The following TTC27 variants were observed in gnomAD, a reference collection of about 807,000 sequenced individuals.
TTC27 encodes the protein tetratricopeptide repeat protein 27.
Under a neutral mutation model 115.9 loss-of-function variants are expected in TTC27, and 79 were observed. The observed-to-expected ratio is 0.68, with a 90% CI of 0.57 to 0.82. The LOEUF (loss-of-function observed/expected upper bound fraction) is 0.82. Among genes scored for constraint, TTC27 ranks in the 40% least tolerant of loss-of-function variants. The probability of loss-of-function intolerance (pLI) is 0.00; values close to 1 mark genes in which losing one functional copy is unlikely to be tolerated. For synonymous variants in TTC27, 401 were observed against 356.0 expected (o/e 1.13, Z -1.42); for missense variants, 1,054 against 993.1 (o/e 1.06, Z -0.82).
chr2:32,815,079 G>T (rs1671453470), intron 18 of TTC27, among the ~76,000 whole-genome samples: 1 of 152,008 alleles, frequency 6.6e-6, no homozygotes, highest in African/African-American at 2.4e-5. Context: ...TTGTCTGGAA[G>T]GTATACATTT....
chr2:32,817,810 C>G (rs140919725), intron 19 of TTC27, among the ~76,000 whole-genome samples: 1,649 of 152,290 alleles, frequency 0.011, 23 homozygotes, highest in African/African-American at 0.038. Context: ...AATCCCAGCA[C>G]TTTGGGAGGC....
intron 4 of TTC27, among the ~76,000 whole-genome samples, chr2:32,646,113 C>T (rs921832200): frequency 1.3e-5 from 2 of 151,890 alleles, no homozygotes; most frequent in Admixed American, 1.3e-4. Context: ...CCTGCAACCT[C>T]TGCCTCCTGG....
intron 10 of TTC27, among the ~76,000 whole-genome samples, chr2:32,719,596 A>T (rs1291660233): frequency 2.0e-5 from 3 of 152,340 alleles, no homozygotes; most frequent in Non-Finnish European, 4.4e-5. Flanking sequence ...AGATCATCTT[A>T]ACTTGAGAAT....
chr2:32,650,332 C>A (rs1221501332), intron 5 of TTC27, 99 bp downstream of exon 5: 3 of 630,964 alleles, frequency 4.8e-6, no homozygotes, highest in Non-Finnish European at 7.6e-6. Context: ...GGTAGTAGTG[C>A]CTTTTCGTTT....
chr2:32,761,668 G>T (rs1311323531), intron 13 of TTC27, among the ~76,000 whole-genome samples: 1 of 151,954 alleles, frequency 6.6e-6, no homozygotes. Flanking sequence ...TTTCATTCAA[G>T]TCTGCTCGAA....
intron 8 of TTC27, among the ~76,000 whole-genome samples, chr2:32,675,946 C>T (rs1247444044): frequency 6.6e-6 from 1 of 151,950 alleles, no homozygotes; most frequent in Admixed American, 6.6e-5. Context: ...CGCCCACCAC[C>T]ATGCTCATCT....
At chr2:32,639,999 CAAAACAAAAACA>C (rs143705357) in intron 3 of TTC27, among the ~76,000 whole-genome samples, 2 of 151,642 alleles carry the variant, frequency 1.3e-5, no homozygotes, top group East Asian at 1.9e-4. Context: ...ACTCCCATCT[CAAAACAAAAACA>C]AAAACAAAAA....
Position 32,679,193 on chromosome 2 carries a change from A to G in TTC27, c.1119+271A>G, listed in dbSNP as rs889731955. 2.6e-4 allele frequency among the ~76,000 whole-genome samples: 40 copies of G among 152,234 alleles called. 1 individual carries two copies. Among genetic ancestry groups the G allele is most frequent in the Admixed American group, 2.6e-4 (4 of 15,282 alleles). On this transcript the variant is annotated intron_variant, in intron 9 of 19. Coordinates refer to ENST00000317907, the MANE Select transcript of TTC27 (RefSeq NM_017735.5). ...GAGACCATGGGTTAAAAAGATGTCA[A>G]GAGCATGGTGTGCTCATCAGTGTTC...
At chr2:32,727,643 C>T (rs1668154689) in intron 10 of TTC27, among the ~76,000 whole-genome samples, 1 of 152,078 alleles carries the variant, frequency 6.6e-6, no homozygotes, top group Non-Finnish European at 1.5e-5. Flanking sequence ...AGATTGACTG[C>T]AGAAGCAGAT....
At chr2:32,753,312 C>T (rs2147986584) in intron 12 of TTC27, among the ~76,000 whole-genome samples, 1 of 152,032 alleles carries the variant, frequency 6.6e-6, no homozygotes, top group Non-Finnish European at 1.5e-5. Context: ...TCACTTTTAC[C>T]ATAGTCCCAA....
intron 10 of TTC27, among the ~76,000 whole-genome samples, chr2:32,725,460 C>A (rs577381348): frequency 2.0e-5 from 3 of 152,240 alleles, no homozygotes; most frequent in African/African-American, 7.2e-5. Flanking sequence ...CGAAATCCAG[C>A]GGGGCAATCA....
At chr2:32,637,713 A>C (rs973576848) in intron 3 of TTC27, among the ~76,000 whole-genome samples, 1 of 152,156 alleles carries the variant, frequency 6.6e-6, no homozygotes, top group African/African-American at 2.4e-5. Flanking sequence ...TCAGCTTGTT[A>C]TATCTACTTG....
chr2:32,647,814 A>G (rs964232574), intron 4 of TTC27, among the ~76,000 whole-genome samples: 3 of 151,722 alleles, frequency 2.0e-5, no homozygotes, highest in African/African-American at 7.2e-5. Flanking sequence ...TAGCCACTGC[A>G]CTCCAACCTG....
intron 12 of TTC27, among the ~76,000 whole-genome samples, chr2:32,748,739 G>A (rs542968274): frequency 5.3e-5 from 8 of 149,650 alleles, no homozygotes; most frequent in African/African-American, 1.7e-4. Context: ...CCAGGCTGGA[G>A]TGCAGTGGCG....
At chr2:32,732,536 A>G (rs1053534412) in intron 10 of TTC27, among the ~76,000 whole-genome samples, 2 of 152,190 alleles carry the variant, frequency 1.3e-5, no homozygotes, top group East Asian at 1.9e-4. Context: ...TTACCAGGAC[A>G]TGGTAGATTC....
At chr2:32,670,679 A>C (rs1407684641) in intron 7 of TTC27, among the ~76,000 whole-genome samples, 1 of 151,760 alleles carries the variant, frequency 6.6e-6, no homozygotes, top group Non-Finnish European at 1.5e-5. Context: ...GTGCAGTGGC[A>C]TGATCTCAGC....
At chr2:32,800,605 C>T (rs1378129604) in intron 16 of TTC27, among the ~76,000 whole-genome samples, 1 of 152,176 alleles carries the variant, frequency 6.6e-6, no homozygotes, top group Non-Finnish European at 1.5e-5. Context: ...TCAAGCAATT[C>T]TCCTGCCTCA....
At chr2:32,666,492 C>G (rs1665781221) in intron 6 of TTC27, 143 bp from the exon 7 acceptor site, 1 of 770,706 alleles carries the variant, frequency 1.3e-6, no homozygotes, top group Non-Finnish European at 1.8e-6. Flanking sequence ...CATTTAAAAC[C>G]TGAGGCTGGG....
intron 5 of TTC27, among the ~76,000 whole-genome samples, chr2:32,656,102 T>C (rs747321027): frequency 6.6e-6 from 1 of 152,200 alleles, no homozygotes; most frequent in Non-Finnish European, 1.5e-5. Context: ...ATGTCTTTTT[T>C]TTTTAATGAG....
Sources: allele counts gnomAD v4.1 joint callset (sites outside exome capture counted in the v4.1 genomes callset), GRCh38; gene constraint gnomAD v4.1.1; transcripts MANE v1.5; gene names NCBI Gene and HGNC (gene_info 2026-07-23, HGNC 2026-07-21).